The following COPB1 variants were observed in gnomAD, a reference collection of about 807,000 sequenced individuals.
COPB1 encodes coatomer subunit beta.
COPB1 carries 21 observed loss-of-function variants against 108.7 expected under a neutral mutation model. That is an observed-to-expected ratio of 0.19 (90% CI 0.14 to 0.28). COPB1 has a LOEUF of 0.28. COPB1 is among the 10% of genes least tolerant of loss of function. The probability of loss-of-function intolerance (pLI) is 1.00; values close to 1 mark genes in which losing one functional copy is unlikely to be tolerated. For missense variants in COPB1, 919 were observed against 1,141.3 expected (o/e 0.81, Z 2.81); for synonymous variants, 378 against 386.8 (o/e 0.98, Z 0.27).
intron 10 of COPB1, 151 bp downstream of exon 10, chr11:14,480,608 G>A: frequency 1.0e-5 from 7 of 695,948 alleles, no homozygotes; most frequent in Non-Finnish European, 1.4e-5. Context: ...ACCCTTCTGA[G>A]TTTAAAGGTA....
chr11:14,478,558 A>T (rs956530553), intron 11 of COPB1, among the ~76,000 whole-genome samples: 1 of 151,450 alleles, frequency 6.6e-6, no homozygotes, highest in Non-Finnish European at 1.5e-5. Context: ...GATACAGAAG[A>T]AGTACAAGGG....
chr11:14,482,945 A>C, intron 8 of COPB1, 87 bp downstream of exon 8: 1 of 1,234,348 alleles, frequency 8.1e-7, no homozygotes, highest in Non-Finnish European at 1.1e-6. Context: ...CCAAGCATTT[A>C]GGTTAACCAA....
chr11:14,482,314 C>A (rs902303066), intron 8 of COPB1, among the ~76,000 whole-genome samples: 7 of 152,054 alleles, frequency 4.6e-5, no homozygotes, highest in African/African-American at 1.7e-4. Context: ...CATTTACCTG[C>A]CATGGGGTTT....
intron 6 of COPB1, among the ~76,000 whole-genome samples, chr11:14,487,831 C>T (rs543694395): frequency 5.3e-5 from 8 of 152,234 alleles, no homozygotes; most frequent in South Asian, 2.1e-4. Flanking sequence ...TAATGTCTAC[C>T]GGTGTTTTGA....
chr11:14,469,142 A>G (rs565439466), intron 15 of COPB1, among the ~76,000 whole-genome samples, 194 bp downstream of exon 15: 4 of 152,252 alleles, frequency 2.6e-5, no homozygotes, highest in East Asian at 1.9e-4. Context: ...TGACAGGCAC[A>G]TACCACCATG....
intron 4 of COPB1, among the ~76,000 whole-genome samples, chr11:14,493,352 T>C (rs1850950254): frequency 6.6e-6 from 1 of 152,150 alleles, no homozygotes; most frequent in South Asian, 2.1e-4. Flanking sequence ...ATAAAGTGGC[T>C]TGGAGTAATA....
chr11:14,470,206 C>T (rs956333740), intron 14 of COPB1, among the ~76,000 whole-genome samples: 7 of 152,256 alleles, frequency 4.6e-5, no homozygotes, highest in African/African-American at 9.6e-5. Context: ...AGTTCTCTGC[C>T]GTTTTGTTTT....
At chr11:14,463,284 C>T (rs1850199256) in intron 18 of COPB1, among the ~76,000 whole-genome samples, 1 of 152,112 alleles carries the variant, frequency 6.6e-6, no homozygotes, top group Non-Finnish European at 1.5e-5. Flanking sequence ...ATTCCTATGG[C>T]TTTTAAACAA....
At chr11:14,491,240 A>G (rs1850895119) in intron 4 of COPB1, among the ~76,000 whole-genome samples, 1 of 150,484 alleles carries the variant, frequency 6.6e-6, no homozygotes, top group African/African-American at 2.4e-5. Context: ...TAGAGACAGC[A>G]TTTTGCCACG....
At chr11:14,472,855 G>C (rs1013896055) in intron 14 of COPB1, among the ~76,000 whole-genome samples, 6 of 152,250 alleles carry the variant, frequency 3.9e-5, no homozygotes, top group African/African-American at 1.4e-4. Context: ...TGGAATTGAA[G>C]AGAGTTAAGG....
intron 2 of COPB1, 131 bp downstream of exon 2, chr11:14,498,707 T>C (rs1851081676): frequency 1.6e-6 from 1 of 640,436 alleles, no homozygotes; most frequent in Non-Finnish European, 2.5e-6. Flanking sequence ...ATAAAAGGTC[T>C]ATCGAAGAGA....
chr11:14,488,755 A>T (rs1850830690), intron 5 of COPB1, among the ~76,000 whole-genome samples, 171 bp from the exon 6 acceptor site: 1 of 152,206 alleles, frequency 6.6e-6, no homozygotes, highest in African/African-American at 2.4e-5. Flanking sequence ...ATAAAATATA[A>T]GACATAAAGT....
At chr11:14,471,693 G>A (rs918527511) in intron 14 of COPB1, among the ~76,000 whole-genome samples, 3 of 152,212 alleles carry the variant, frequency 2.0e-5, no homozygotes, top group Admixed American at 6.5e-5. Flanking sequence ...CGAGGTGGGC[G>A]GATCACCTGA....
intron 11 of COPB1, among the ~76,000 whole-genome samples, chr11:14,477,389 C>CAAAAAAAAAAAAAAAA (rs61014253): frequency 0.069 from 5,004 of 72,886 alleles, 859 homozygotes; most frequent in Non-Finnish European, 0.088. Context: ...GACTCCGTCT[C>CAAAAAAAAAAAAAAAA]AAAAAAAAAA....
At chr11:14,468,981 A>G in intron 15 of COPB1, 121 bp from the exon 16 acceptor site, 2 of 835,150 alleles carry the variant, frequency 2.4e-6, no homozygotes, top group South Asian at 3.4e-5. Context: ...AAGAAAACCC[A>G]CAAAGCACTT....
Position 14,457,572 on chromosome 11 carries a change from G to A in COPB1, c.*252C>T, listed in dbSNP as rs910154057. Reference sequence around the variant, plus strand: ...AAATTTATGAATAGATCTGTTTATTGTACTGTGAAAAGGGTCTTGGTACAT... The same window carrying A: ...AAATTTATGAATAGATCTGTTTATTATACTGTGAAAAGGGTCTTGGTACAT... On this transcript the variant is annotated 3_prime_UTR_variant, in exon 22 of 22. Coordinates refer to ENST00000439561, the MANE Select transcript of COPB1 (RefSeq NM_001144061.2). 30 of 297,788 alleles carry A rather than the reference G, an allele frequency of 1.0e-4. No individual in the cohort carries two copies. The highest frequency in any genetic ancestry group is 2.0e-4 in the Non-Finnish European group (30 of 153,140). The allele number at this position is 297,788 out of a possible 1,614,324, so 18.4% of individuals were successfully genotyped here. A position where few individuals can be genotyped will look rare whatever the true frequency, so the allele number is the denominator to read the frequency against.
At chr11:14,470,899 T>TACACACACACACACACACACACAC (rs56957263) in intron 14 of COPB1, among the ~76,000 whole-genome samples, 1 of 134,766 alleles carries the variant, frequency 7.4e-6, no homozygotes, top group African/African-American at 2.9e-5. Flanking sequence ...GTGGAAGAAA[T>TACACACACACACACACACACACAC]ACACACACAC....
chr11:14,499,271 G>C (rs1318261967), intron 1 of COPB1, among the ~76,000 whole-genome samples: 1 of 152,100 alleles, frequency 6.6e-6, no homozygotes, highest in African/African-American at 2.4e-5. Context: ...GTTATGGACC[G>C]TATGGTTTTT....
At chr11:14,480,461 C>T (rs1048536663) in intron 10 of COPB1, among the ~76,000 whole-genome samples, 6 of 152,056 alleles carry the variant, frequency 3.9e-5, no homozygotes, top group Non-Finnish European at 7.4e-5. Flanking sequence ...ACCTATTTGC[C>T]TTACTGAATA....
Sources: allele counts gnomAD v4.1 joint callset (sites outside exome capture counted in the v4.1 genomes callset), GRCh38; gene constraint gnomAD v4.1.1; transcripts MANE v1.5; gene names NCBI Gene and HGNC (gene_info 2026-07-23, HGNC 2026-07-21).